Variants in COL5A2 observed in about 807,000 individuals in gnomAD.
COL5A2 encodes collagen alpha-2(V) chain.
COL5A2 carries 23 observed loss-of-function variants against 208.2 expected under a neutral mutation model. The observed-to-expected ratio is 0.11, with a 90% CI of 0.08 to 0.16. The LOEUF (loss-of-function observed/expected upper bound fraction) is 0.16, where lower values mean the gene tolerates loss of function less well. COL5A2 is among the 10% of genes least tolerant of loss of function. The pLI is 1.00. For synonymous variants in COL5A2, 625 were observed against 628.5 expected (o/e 0.99, Z 0.08); for missense variants, 1,590 against 1,956.4 (o/e 0.81, Z 3.53).
chr2:189,048,278 G>A lies in COL5A2; in HGVS notation c.3148-16C>T. 1 of 1,612,940 alleles carries A rather than the reference G, an allele frequency of 6.2e-7. No individual in the cohort carries two copies. Among genetic ancestry groups the A allele is most frequent in the Admixed American group, 1.7e-5 (1 of 59,998 alleles). On this transcript the variant is annotated splice_polypyrimidine_tract_variant and intron_variant, in intron 44 of 53. Transcript: ENST00000374866. ...CAGCTGGACCCTATAAAGAATAATG[G>A]TTTGAAAAACTACTTAACTGAGTAA...
chr2:189,350,962 AG>A, the COL5A2 span, among the ~76,000 whole-genome samples: 1 of 152,198 alleles, frequency 6.6e-6, no homozygotes, highest in Non-Finnish European at 1.5e-5. Context: ...GTGATGTCTC[AG>A]AAAAACTCAC....
intron 10 of COL5A2, among the ~76,000 whole-genome samples, chr2:189,085,493 T>A (rs1350376245): frequency 6.6e-6 from 1 of 152,178 alleles, no homozygotes; most frequent in East Asian, 1.9e-4. Flanking sequence ...TCTTTGAATT[T>A]TTAAATTTAA....
chr2:189,162,179 T>C (rs180752277), intron 1 of COL5A2, among the ~76,000 whole-genome samples: 2 of 152,206 alleles, frequency 1.3e-5, no homozygotes, highest in African/African-American at 4.8e-5. Context: ...CAAAGTATTA[T>C]CCTTGTTTTA....
intron 6 of COL5A2, among the ~76,000 whole-genome samples, chr2:189,096,621 CAAA>C (rs777945216): frequency 1.4e-5 from 1 of 71,124 alleles, no homozygotes. Flanking sequence ...GACTCCGTCT[CAAA>C]AAAAAAAAAA....
At chr2:189,279,419 T>C in the COL5A2 span, among the ~76,000 whole-genome samples, 1 of 151,574 alleles carries the variant, frequency 6.6e-6, no homozygotes, top group Non-Finnish European at 1.5e-5. Context: ...AGAAAAACAA[T>C]CATTTTCAAT....
the COL5A2 span, among the ~76,000 whole-genome samples, chr2:189,380,543 T>A: frequency 4.6e-5 from 7 of 151,822 alleles, no homozygotes; most frequent in East Asian, 1.3e-3. Flanking sequence ...ACATAGTTAA[T>A]TATTTAAAAA....
At chr2:189,258,524 T>C in the COL5A2 span, among the ~76,000 whole-genome samples, 2 of 152,190 alleles carry the variant, frequency 1.3e-5, no homozygotes, top group African/African-American at 4.8e-5. Context: ...CAGTAAAAAG[T>C]GAAAGTGTTC....
At chr2:189,229,117 G>C (rs1314014592), upstream of COL5A2, among the ~76,000 whole-genome samples, 2 of 151,540 alleles carry the variant, frequency 1.3e-5, no homozygotes, top group Non-Finnish European at 3.0e-5. Context: ...ATCCTTTCAG[G>C]ATAAAGACTC....
intron 1 of COL5A2, among the ~76,000 whole-genome samples, chr2:189,112,614 A>C (rs1305372670): frequency 2.0e-5 from 3 of 152,210 alleles, no homozygotes; most frequent in Non-Finnish European, 4.4e-5. Flanking sequence ...GCTGTTTTAT[A>C]AGATGAGGAC....
the COL5A2 span, among the ~76,000 whole-genome samples, chr2:189,292,329 A>G: frequency 6.6e-6 from 1 of 152,340 alleles, no homozygotes; most frequent in African/African-American, 2.4e-5. Flanking sequence ...TGAAACTATA[A>G]GGAAGATATC....
At chr2:189,423,733 A>G in the COL5A2 span, among the ~76,000 whole-genome samples, 1 of 152,196 alleles carries the variant, frequency 6.6e-6, no homozygotes, top group Non-Finnish European at 1.5e-5. Flanking sequence ...AATGTCACCT[A>G]TCAAAGAAAA....
At chr2:189,391,717 A>G in the COL5A2 span, among the ~76,000 whole-genome samples, 1 of 152,156 alleles carries the variant, frequency 6.6e-6, no homozygotes, top group African/African-American at 2.4e-5. Context: ...GTATACTTAC[A>G]TACTGTCTTT....
At chr2:189,303,202 A>G in the COL5A2 span, among the ~76,000 whole-genome samples, 2 of 152,266 alleles carry the variant, frequency 1.3e-5, no homozygotes, top group East Asian at 3.9e-4. Flanking sequence ...CCAACTGACA[A>G]CAATTGGTTT....
chr2:189,352,271 T>C, the COL5A2 span, among the ~76,000 whole-genome samples: 2 of 152,200 alleles, frequency 1.3e-5, no homozygotes, highest in African/African-American at 4.8e-5. Flanking sequence ...TACCTGTGCA[T>C]GTGTCTTTAT....
At chr2:189,247,127 G>A in the COL5A2 span, among the ~76,000 whole-genome samples, 2 of 152,116 alleles carry the variant, frequency 1.3e-5, no homozygotes, top group Admixed American at 1.3e-4. Context: ...ATGGTGATGA[G>A]GTCCAAGCAC....
the COL5A2 span, among the ~76,000 whole-genome samples, chr2:189,290,785 A>G: frequency 6.6e-6 from 1 of 151,008 alleles, no homozygotes; most frequent in Non-Finnish European, 1.5e-5. Context: ...GGAAACCTCA[A>G]ATACATTTTA....
In COL5A2 at chr2:189,110,248, G is replaced by C. The variant is rs762386823; in HGVS notation, c.299C>G (p.Pro100Arg). 1.2e-5 allele frequency: 19 copies of C among 1,613,958 alleles called. No individual in the cohort carries two copies. The South Asian group carries it at 2.0e-4, about 17-fold the overall frequency. Residue 100 changes from proline (P) to arginine (R), a missense_variant, in exon 2 of 54, where the codon CCT becomes CGT. Pro to Arg is a moderately radical substitution (Grantham distance 103, BLOSUM62 -2). Transcript: ENST00000374866. ...GECCPVCSQT[P>R]GGGNTNFGRG... ...ACCAAAATTGGTATTGCCACCTCCA[G>C]GTGTTTGTGAACAGACAGGACAGCA...
chr2:189,071,817 AGG>A (rs1167266353), intron 18 of COL5A2, among the ~76,000 whole-genome samples: 1 of 152,190 alleles, frequency 6.6e-6, no homozygotes, highest in East Asian at 1.9e-4. Context: ...TGATATTATA[AGG>A]GTACAATTAT....
intron 1 of COL5A2, among the ~76,000 whole-genome samples, chr2:189,121,466 A>G (rs908717721): frequency 3.9e-5 from 6 of 152,004 alleles, no homozygotes; most frequent in African/African-American, 1.5e-4. Flanking sequence ...TCTTGTTTCT[A>G]AACCAACTGG....
Sources: gnomAD v4.1 joint callset for allele counts (sites outside exome capture counted in the v4.1 genomes callset) on GRCh38, gnomAD v4.1.1 for gene constraint, MANE v1.5 for transcripts, NCBI Gene and HGNC (gene_info 2026-07-23, HGNC 2026-07-21) for gene names.